CDH18: variants seen among roughly 807,000 people sequenced by gnomAD.
CDH18 encodes the protein cadherin-18.
CDH18 carries 31 observed loss-of-function variants against 67.9 expected under a neutral mutation model. The ratio of observed to expected loss-of-function variants is 0.46; its 90% CI spans 0.34 to 0.62. The LOEUF (loss-of-function observed/expected upper bound fraction) is 0.62, where lower values mean the gene tolerates loss of function less well. CDH18 is among the 20% of genes least tolerant of loss of function. CDH18 has a pLI of 0.01. For synonymous variants in CDH18, 362 were observed against 347.2 expected (o/e 1.04, Z -0.48); for missense variants, 890 against 975.5 (o/e 0.91, Z 1.17).
intron 4 of CDH18, among the ~76,000 whole-genome samples, chr5:19,741,287 A>ATG (rs1769158870): frequency 1.4e-5 from 2 of 142,430 alleles, no homozygotes; most frequent in African/African-American, 5.0e-5. Context: ...ACGTGTATAT[A>ATG]TACATACATA....
chr5:20,390,660 T>A (rs1005556832), intron 1 of CDH18, among the ~76,000 whole-genome samples: 1 of 152,264 alleles, frequency 6.6e-6, no homozygotes, highest in South Asian at 2.1e-4. Context: ...GGATTATAAA[T>A]CATGCTGCTA....
chr5:20,404,838 T>C (rs900986605), intron 1 of CDH18, among the ~76,000 whole-genome samples: 3 of 152,080 alleles, frequency 2.0e-5, no homozygotes, highest in South Asian at 2.1e-4. Flanking sequence ...AAAAGAGCAA[T>C]ATATGTGAAG....
chr5:20,163,309 G>A (rs975291850), intron 2 of CDH18, among the ~76,000 whole-genome samples: 1 of 151,820 alleles, frequency 6.6e-6, no homozygotes, highest in Non-Finnish European at 1.5e-5. Flanking sequence ...CCAATATTAT[G>A]CTTATAATTA....
intron 5 of CDH18, among the ~76,000 whole-genome samples, chr5:19,708,425 C>T (rs1764233900): frequency 1.3e-5 from 2 of 152,036 alleles, no homozygotes; most frequent in African/African-American, 4.8e-5. Flanking sequence ...GATAAAGCTG[C>T]CTTTGCTTTT....
At chr5:20,325,690 G>A (rs111942328) in intron 1 of CDH18, among the ~76,000 whole-genome samples, 2,106 of 151,238 alleles carry the variant, frequency 0.014, 53 homozygotes, top group African/African-American at 0.048. Context: ...CACTTTCTGG[G>A]GAATCAACTC....
intron 10 of CDH18, 52 bp from the exon 11 acceptor site, chr5:19,503,161 G>T (rs1471850713): frequency 3.5e-6 from 3 of 862,854 alleles, no homozygotes; most frequent in Admixed American, 3.8e-5. Flanking sequence ...TTGTTCTCTT[G>T]ATTTTAATTA....
At chr5:20,445,420 C>A (rs1448385882) in intron 1 of CDH18, among the ~76,000 whole-genome samples, 2 of 152,114 alleles carry the variant, frequency 1.3e-5, no homozygotes, top group Non-Finnish European at 2.9e-5. Context: ...CATAATAATA[C>A]TTTACAGTGT....
At position 19,811,133 on chromosome 5, in the gene CDH18, AGAAAGAAAGAAAGAAAGAAAGAAAGAAG is replaced by A. The variant is rs1349995477; in HGVS notation, c.228+27598_228+27625del. Reference sequence around the variant, plus strand: ...AAGAAAGAAAGAAAGAAAGAAAGAAAGAAAGAAAGAAAGAAAGAAAGAAAGAAGGAGAGAAAGAAAGAGAAGAAAGAGG... The same window carrying A: ...AAGAAAGAAAGAAAGAAAGAAAGAAAGAGAGAAAGAAAGAGAAGAAAGAGG... On this transcript the variant is annotated intron_variant, in intron 3 of 12. Coordinates refer to ENST00000382275, the MANE Select transcript of CDH18 (RefSeq NM_004934.5). Among the ~76,000 whole-genome samples the A allele has an allele frequency of 9.8e-3, 1,248 of 127,274 alleles. 66 individuals carry two copies. The highest frequency in any genetic ancestry group is 0.023 in the Middle Eastern group (6 of 258). The allele number at this position is 127,274 out of a possible 152,430, so 83.5% of individuals were successfully genotyped here.
intron 2 of CDH18, among the ~76,000 whole-genome samples, chr5:20,042,767 T>A (rs1297484921): frequency 6.6e-6 from 1 of 151,962 alleles, no homozygotes; most frequent in African/African-American, 2.4e-5. Context: ...ATCGAGACCA[T>A]CCTGGCTAAC....
At chr5:20,417,013 C>A (rs1411816396) in intron 1 of CDH18, among the ~76,000 whole-genome samples, 1 of 152,118 alleles carries the variant, frequency 6.6e-6, no homozygotes, top group African/African-American at 2.4e-5. Context: ...CTTCATATAT[C>A]AGCTTCCAGC....
chr5:19,642,318 GA>G (rs201253631), intron 5 of CDH18, among the ~76,000 whole-genome samples: 4 of 150,526 alleles, frequency 2.7e-5, no homozygotes, highest in South Asian at 2.1e-4. Context: ...TATGGAAATA[GA>G]AAAAAAAATC....
chr5:19,642,759 C>T (rs1024481759), intron 5 of CDH18, among the ~76,000 whole-genome samples: 1 of 151,840 alleles, frequency 6.6e-6, no homozygotes. Context: ...TGCTATTTGT[C>T]CAGGCAATAA....
At chr5:20,427,432 G>T (rs1748387840) in intron 1 of CDH18, among the ~76,000 whole-genome samples, 1 of 151,168 alleles carries the variant, frequency 6.6e-6, no homozygotes, top group South Asian at 2.1e-4. Flanking sequence ...GAAGAGAAAT[G>T]TATTTTCTAT....
chr5:19,611,829 T>C (rs1421585224), intron 6 of CDH18, among the ~76,000 whole-genome samples: 1 of 152,056 alleles, frequency 6.6e-6, no homozygotes, highest in Non-Finnish European at 1.5e-5. Flanking sequence ...ACCCACAGGA[T>C]TCATATTTCT....
intron 1 of CDH18, among the ~76,000 whole-genome samples, chr5:20,370,013 T>C (rs7725354): frequency 0.99 from 150,154 of 152,250 alleles, 74,088 homozygotes; most frequent in Middle Eastern, 1. Flanking sequence ...CTTCCTGATG[T>C]TGTCTAAAAT....
chr5:20,452,407 C>T (rs543878159), intron 1 of CDH18, among the ~76,000 whole-genome samples: 4 of 152,160 alleles, frequency 2.6e-5, no homozygotes, highest in Admixed American at 6.6e-5. Context: ...AACATACACA[C>T]CATGGAATAC....
intron 1 of CDH18, among the ~76,000 whole-genome samples, chr5:20,409,963 G>C (rs1035501177): frequency 6.6e-6 from 1 of 151,370 alleles, no homozygotes; most frequent in Non-Finnish European, 1.5e-5. Context: ...AATCTAAATG[G>C]ATTTATAATA....
chr5:20,124,882 A>G (rs185741945), intron 2 of CDH18, among the ~76,000 whole-genome samples: 2 of 152,328 alleles, frequency 1.3e-5, no homozygotes, highest in Admixed American at 1.3e-4. Context: ...CATGACTTAA[A>G]GAAGTATTAG....
At chr5:19,914,576 G>C (rs906876459) in intron 2 of CDH18, among the ~76,000 whole-genome samples, 1 of 151,952 alleles carries the variant, frequency 6.6e-6, no homozygotes, top group Non-Finnish European at 1.5e-5. Context: ...GTATGTGTGA[G>C]TGTATATGTA....
Sources: gnomAD v4.1 joint callset for allele counts (sites outside exome capture counted in the v4.1 genomes callset) on GRCh38, gnomAD v4.1.1 for gene constraint, MANE v1.5 for transcripts, NCBI Gene and HGNC (gene_info 2026-07-23, HGNC 2026-07-21) for gene names.